TRIM36: variants seen among roughly 807,000 people sequenced by gnomAD.
TRIM36 encodes the protein E3 ubiquitin-protein ligase TRIM36.
A neutral mutation model predicts 72.4 loss-of-function variants in TRIM36; 42 were observed. That is an observed-to-expected ratio of 0.58 (90% CI 0.45 to 0.75). The LOEUF is 0.75. Ranked by LOEUF, TRIM36 falls within the 30% of genes least tolerant of loss-of-function variation. The pLI is 0.00. For synonymous variants in TRIM36, 315 were observed against 282.8 expected, an observed-to-expected ratio of 1.11 and a Z score of -1.14; for missense variants, 913 against 857.1, an observed-to-expected ratio of 1.07 and a Z score of -0.81.
chr5:115,164,461 T>C (rs527768579), intron 1 of TRIM36, among the ~76,000 whole-genome samples: 2 of 152,310 alleles, frequency 1.3e-5, no homozygotes, highest in East Asian at 3.9e-4. Context: ...TAGGGAGTCC[T>C]CAAGAAACTT....
chr5:115,163,823 A>G, intron 1 of TRIM36, 71 bp from the exon 2 acceptor site: 1 of 1,122,898 alleles, frequency 8.9e-7, no homozygotes, highest in Admixed American at 2.1e-5. Flanking sequence ...TACCTCCTGA[A>G]TAAGTACATG....
intron 1 of TRIM36, among the ~76,000 whole-genome samples, chr5:115,167,919 G>A (rs541560123): frequency 6.6e-6 from 1 of 152,344 alleles, no homozygotes; most frequent in South Asian, 2.1e-4. Context: ...CTGCATGGCT[G>A]GAGAGGCCTC....
In TRIM36 at chr5:115,133,843, C is replaced by A. The variant is rs749396878; in HGVS notation, c.1498+17G>T. The A allele has an allele frequency of 6.5e-7, 1 of 1,546,590 alleles. No homozygotes were observed. The highest frequency in any genetic ancestry group is 8.7e-7 in the Non-Finnish European group (1 of 1,150,928). ...CAACTAACTCTATGCTTTTTTTATT[C>A]CTGATATTCACCATACCTGGAGCTG... On this transcript the variant is annotated intron_variant, in intron 8 of 9. Transcript: ENST00000513154.
intron 2 of TRIM36, among the ~76,000 whole-genome samples, chr5:115,154,065 C>A (rs1258266277): frequency 2.0e-5 from 3 of 151,696 alleles, no homozygotes; most frequent in African/African-American, 4.9e-5. Context: ...AATTAAATAA[C>A]CTGCTCCTGA....
chr5:115,136,507 T>C (rs1333177393), intron 7 of TRIM36, among the ~76,000 whole-genome samples: 1 of 152,104 alleles, frequency 6.6e-6, no homozygotes, highest in Non-Finnish European at 1.5e-5. Context: ...AATACAGCAA[T>C]GTAAACAGCC....
intron 2 of TRIM36, chr5:115,159,514 A>G (rs1754362707): frequency 3.4e-6 from 1 of 293,036 alleles, no homozygotes; most frequent in South Asian, 3.0e-5. Flanking sequence ...TTTCAGCCCA[A>G]TTTGTTCACT....
chr5:115,158,116 T>TA (rs139347962), intron 2 of TRIM36, among the ~76,000 whole-genome samples: 8 of 141,446 alleles, frequency 5.7e-5, no homozygotes, highest in African/African-American at 8.5e-5. Context: ...ACTATGGAAA[T>TA]AAAAAAAATT....
chr5:115,136,470 C>T (rs1752970416), intron 7 of TRIM36, among the ~76,000 whole-genome samples: 1 of 152,144 alleles, frequency 6.6e-6, no homozygotes, highest in Admixed American at 6.5e-5. Flanking sequence ...GTCTATGGTA[C>T]TTTTGTCACT....
chr5:115,136,491 C>T (rs1166866911), intron 7 of TRIM36, among the ~76,000 whole-genome samples: 1 of 152,158 alleles, frequency 6.6e-6, no homozygotes, highest in African/African-American at 2.4e-5. Context: ...GCAGCTCAAG[C>T]AAACTAATAC....
intron 2 of TRIM36, among the ~76,000 whole-genome samples, chr5:115,155,026 C>CAA (rs77105761): frequency 7.1e-6 from 1 of 140,512 alleles, no homozygotes; most frequent in African/African-American, 2.6e-5. Context: ...ACTAAAAATA[C>CAA]AAAAAAAAAA....
At chr5:115,148,049 G>C (rs986838185) in intron 2 of TRIM36, among the ~76,000 whole-genome samples, 1 of 152,172 alleles carries the variant, frequency 6.6e-6, no homozygotes, top group African/African-American at 2.4e-5. Flanking sequence ...AAATTCAGTA[G>C]GGAAGATCAT....
chr5:115,169,608 C>G lies in TRIM36; in HGVS notation c.27G>C (p.Pro9=). MEGDGSDS[P]VTIKNIEREL... Reference sequence around the variant, plus strand: ...GGGCGGCGGTCCCCTCCGCACTCACCGGCGAATCTGAGCCATCGCCCTCCA... The same window carrying G: ...GGGCGGCGGTCCCCTCCGCACTCACGGGCGAATCTGAGCCATCGCCCTCCA... The change falls in exon 1 of 10, where the codon CCG becomes CCC. Residue 9 remains proline (P), a splice_region_variant and synonymous_variant. Coordinates refer to ENST00000513154, the MANE Select transcript of TRIM36 (RefSeq NM_001300759.2). 6.6e-7 allele frequency: 1 copy of G among 1,521,630 alleles called. No individual in the cohort carries two copies. Among genetic ancestry groups the G allele is most frequent in the Non-Finnish European group, 8.8e-7 (1 of 1,140,276 alleles). The allele number at this position is 1,521,630 out of a possible 1,614,324, so 94.3% of individuals were successfully genotyped here. A position where few individuals can be genotyped will look rare whatever the true frequency, so the allele number is the denominator to read the frequency against.
intron 7 of TRIM36, 108 bp from the exon 8 acceptor site, chr5:115,134,255 A>G (rs946805789): frequency 4.2e-6 from 4 of 942,418 alleles, no homozygotes; most frequent in Non-Finnish European, 4.3e-6. Flanking sequence ...TTTCTATACT[A>G]ATACTTTTCT....
chr5:115,127,524 G>A (rs1223952521), intron 9 of TRIM36, among the ~76,000 whole-genome samples: 2 of 152,208 alleles, frequency 1.3e-5, no homozygotes, highest in East Asian at 1.9e-4. Flanking sequence ...TAGCACCACT[G>A]CACTGCAGTC....
At chr5:115,165,014 C>T (rs1183897259) in intron 1 of TRIM36, among the ~76,000 whole-genome samples, 2 of 152,216 alleles carry the variant, frequency 1.3e-5, no homozygotes, top group Non-Finnish European at 2.9e-5. Flanking sequence ...AGTCATAAAG[C>T]TCACAAGTGA....
At chr5:115,137,244 G>A in intron 6 of TRIM36, 119 bp downstream of exon 6, 1 of 1,475,154 alleles carries the variant, frequency 6.8e-7, no homozygotes. Context: ...TAAGAATGAG[G>A]CAAGATGTAC....
At position 115,126,613 on chromosome 5, in the gene TRIM36, C is replaced by T. The variant is rs147660217; in HGVS notation, c.2041G>A (p.Val681Met). The T allele has an allele frequency of 6.2e-7, 1 of 1,614,062 alleles. No individual in the cohort carries two copies. Among genetic ancestry groups the T allele is most frequent in the African/African-American group, 1.3e-5 (1 of 74,934 alleles). Residue 681 changes from valine (V) to methionine (M), a missense_variant, in exon 10 of 10, where the codon GTG becomes ATG. By Grantham distance (21) the Val-to-Met change is conservative (BLOSUM62 1). Transcript: ENST00000513154. ...DQMKCLYERQ[V>M]DCSHTLYPAF... ...GGATACAGTGTATGTGAACAGTCCA[C>T]TTGGCGTTCATAAAGGCATTTCATC...
In TRIM36 at chr5:115,134,158, T is replaced by C; in HGVS notation, c.1211-11A>G. 6.5e-7 allele frequency: 1 copy of C among 1,535,764 alleles called. No homozygotes were observed. Among genetic ancestry groups the C allele is most frequent in the Non-Finnish European group, 8.7e-7 (1 of 1,145,500 alleles). ...CTGGCACGTCTATGCCTGAAAGAAT[T>C]ATGAAATAGAAAACAACATTAAAAT... On this transcript the variant is annotated splice_polypyrimidine_tract_variant and intron_variant, in intron 7 of 9. Transcript: ENST00000513154.
chr5:115,125,474 T>C lies in TRIM36; in HGVS notation c.*1029A>G, dbSNP rs928904839. ...CCAATGAGAAACAGAAAATGCCACA[T>C]AAGTGAACATTTAAATGTTACAAAA... is the stretch of plus-strand genomic sequence containing the variant. On this transcript the variant is annotated 3_prime_UTR_variant, in exon 10 of 10. Transcript: ENST00000513154. 1 of 152,078 alleles carries C rather than the reference T, an allele frequency of 6.6e-6. No homozygotes were observed. Among genetic ancestry groups the C allele is most frequent in the Non-Finnish European group, 1.5e-5 (1 of 67,954 alleles). The allele number at this position is 152,078 out of a possible 1,614,324, so 9.4% of individuals were successfully genotyped here. A position where few individuals can be genotyped will look rare whatever the true frequency, so the allele number is the denominator to read the frequency against.
Sources: allele counts gnomAD v4.1 joint callset (sites outside exome capture counted in the v4.1 genomes callset), GRCh38; gene constraint gnomAD v4.1.1; transcripts MANE v1.5; gene names NCBI Gene and HGNC (gene_info 2026-07-23, HGNC 2026-07-21).